The following FGD6 variants were observed in gnomAD, a reference collection of about 807,000 sequenced individuals.
The protein encoded by FGD6 is FYVE, RhoGEF and PH domain-containing protein 6.
FGD6 carries 90 observed loss-of-function variants against 149.4 expected under a neutral mutation model. The observed-to-expected ratio is 0.60, with a 90% CI of 0.51 to 0.72. FGD6 has a LOEUF of 0.72. Among genes scored for constraint, FGD6 ranks in the 30% least tolerant of loss-of-function variants. FGD6 has a pLI of 0.00. For missense variants in FGD6, 1,437 were observed against 1,684.8 expected (o/e 0.85, Z 2.57); for synonymous variants, 527 against 584.0 (o/e 0.90, Z 1.41).
intron 1 of FGD6, among the ~76,000 whole-genome samples, chr12:95,215,441 C>T (rs1450214870): frequency 6.6e-6 from 1 of 152,184 alleles, no homozygotes; most frequent in East Asian, 1.9e-4. Flanking sequence ...CTTGTAAGAA[C>T]TATGTATACA....
intron 1 of FGD6, 122 bp downstream of exon 1, chr12:95,217,103 G>C (rs1255961434): frequency 6.9e-7 from 1 of 1,453,886 alleles, no homozygotes; most frequent in Non-Finnish European, 9.4e-7. Context: ...GCTTGCCGAG[G>C]TGCTCGGCAA....
intron 6 of FGD6, among the ~76,000 whole-genome samples, chr12:95,140,708 C>A (rs1204745439): frequency 6.6e-6 from 1 of 152,176 alleles, no homozygotes; most frequent in Non-Finnish European, 1.5e-5. Flanking sequence ...AGTTTCATGA[C>A]CTGCAGCTCC....
rs1877519472 is a variant in FGD6 at position 95,077,139 on chromosome 12, T to C, written c.*4381A>G. ...TTAGAAAATGACATTAAAAGTGGCA[T>C]GAGCCCTAGAATGATATGTGTATTA... is the stretch of plus-strand genomic sequence containing the variant. On this transcript the variant is annotated 3_prime_UTR_variant, in exon 21 of 21. Coordinates refer to ENST00000343958, the MANE Select transcript of FGD6 (RefSeq NM_018351.4). 2 of 152,222 alleles carry C rather than the reference T, an allele frequency of 1.3e-5. No homozygotes were observed. The highest frequency in any genetic ancestry group is 4.8e-5 in the African/African-American group (2 of 41,450). The allele number at this position is 152,222 out of a possible 1,614,324, so 9.4% of individuals were successfully genotyped here. A position where few individuals can be genotyped will look rare whatever the true frequency, so the allele number is the denominator to read the frequency against.
intron 3 of FGD6, among the ~76,000 whole-genome samples, chr12:95,159,126 A>G (rs1880565081): frequency 6.6e-6 from 1 of 152,122 alleles, no homozygotes; most frequent in Non-Finnish European, 1.5e-5. Flanking sequence ...GTAGCTGTTA[A>G]TTTATTTTTG....
intron 9 of FGD6, among the ~76,000 whole-genome samples, chr12:95,111,187 C>A (rs546398497): frequency 4.6e-5 from 7 of 152,194 alleles, no homozygotes; most frequent in Admixed American, 4.6e-4. Context: ...TGCCATGTTG[C>A]CCAGGCTGGT....
At chr12:95,118,275 G>T (rs1879080620) in intron 8 of FGD6, among the ~76,000 whole-genome samples, 1 of 151,716 alleles carries the variant, frequency 6.6e-6, no homozygotes, top group Non-Finnish European at 1.5e-5. Flanking sequence ...TGCTAACTCA[G>T]GAGGTGGAGT....
chr12:95,165,213 T>G (rs1880769809), intron 3 of FGD6, among the ~76,000 whole-genome samples: 1 of 152,182 alleles, frequency 6.6e-6, no homozygotes, highest in African/African-American at 2.4e-5. Context: ...AGAGACAGAT[T>G]GGGTTAAAAA....
chr12:95,193,685 C>G (rs1881657455), intron 2 of FGD6, among the ~76,000 whole-genome samples: 1 of 152,026 alleles, frequency 6.6e-6, no homozygotes, highest in Non-Finnish European at 1.5e-5. Flanking sequence ...TGCACCACCA[C>G]ACCCAGCTAA....
chr12:95,121,226 G>T (rs1015517810), intron 8 of FGD6, among the ~76,000 whole-genome samples: 1 of 151,710 alleles, frequency 6.6e-6, no homozygotes, highest in African/African-American at 2.4e-5. Flanking sequence ...GATCACTTGA[G>T]GTCAGTTGTT....
intron 2 of FGD6, among the ~76,000 whole-genome samples, chr12:95,176,345 C>G (rs987537277): frequency 5.9e-5 from 9 of 152,226 alleles, no homozygotes; most frequent in African/African-American, 2.2e-4. Flanking sequence ...CATCCTAAGA[C>G]TGTCTGCTTT....
In FGD6 at chr12:95,217,250, G is replaced by A. The variant is rs768000854; in HGVS notation, c.-10C>T. The A allele has an allele frequency of 1.3e-4, 203 of 1,609,072 alleles. No homozygotes were observed. Among genetic ancestry groups the A allele is most frequent in the Non-Finnish European group, 1.7e-4 (198 of 1,176,790 alleles). On this transcript the variant is annotated 5_prime_UTR_variant, in exon 1 of 21. Coordinates refer to ENST00000343958, the MANE Select transcript of FGD6 (RefSeq NM_018351.4). ...CGGCTGCAGAAGTCATGATTCCCCG[G>A]TGCAGCTCGCTTCCCCGCTCGGCCC...
At chr12:95,107,489 C>A (rs776706238) in intron 12 of FGD6, 74 bp downstream of exon 12, 10 of 1,435,362 alleles carry the variant, frequency 7.0e-6, no homozygotes, top group East Asian at 2.3e-5. Flanking sequence ...GCTTATCTAC[C>A]ATGTATAAAC....
Position 95,209,248 on chromosome 12 carries a change from A to T in FGD6, c.2036T>A (p.Val679Glu). The T allele has an allele frequency of 1.2e-6, 2 of 1,613,820 alleles. No homozygotes were observed. Among genetic ancestry groups the T allele is most frequent in the Non-Finnish European group, 1.7e-6 (2 of 1,179,954 alleles). Residue 679 changes from valine (V) to glutamate (E), a missense_variant, in exon 2 of 21, where the codon GTA becomes GAA. This residue lies in a region of FGD6 where 1,055 missense variants were observed against 1,146.0 expected (regional missense o/e 0.92). Transcript: ENST00000343958. ...GGGTTTACTTCTCTTCTCCTCTCCT[A>T]CCAACAAGCCTTGCCAATCACTTTC... ...GIESDWQGLL[V>E]GEEKRSKPIK...
At chr12:95,122,202 AT>A (rs1381701683) in intron 8 of FGD6, among the ~76,000 whole-genome samples, 3 of 152,214 alleles carry the variant, frequency 2.0e-5, no homozygotes, top group Non-Finnish European at 2.9e-5. Context: ...GTTAAGTTTA[AT>A]GAGAATATGT....
At position 95,209,096 on chromosome 12, in the gene FGD6, C is replaced by G. The variant is rs138805264; in HGVS notation, c.2188G>C (p.Glu730Gln). 1.4e-4 allele frequency: 220 copies of G among 1,614,140 alleles called. No homozygotes were observed. The African/African-American group carries it at 2.5e-3, about 19-fold the overall frequency. ...TTGTAAGGTGCCTGAGATGATGACT[C>G]CCGGGAGAGCATTTGGTCATCCAAA... Reference protein sequence around the residue: ...ESLDDQMLSRESSSQAPYKSV... With the variant: ...ESLDDQMLSRQSSSQAPYKSV... The change falls in exon 2 of 21, where the codon GAG becomes CAG. Residue 730 changes from glutamate (E) to glutamine (Q), a missense_variant. Physicochemically the swap from Glu to Gln is conservative, Grantham distance 29 (BLOSUM62 2). Coordinates refer to ENST00000343958, the MANE Select transcript of FGD6 (RefSeq NM_018351.4).
At chr12:95,187,030 C>A (rs1244243389) in intron 2 of FGD6, among the ~76,000 whole-genome samples, 1 of 152,108 alleles carries the variant, frequency 6.6e-6, no homozygotes, top group Non-Finnish European at 1.5e-5. Flanking sequence ...AAGTCTAGAA[C>A]TGTATAAAAA....
At chr12:95,144,151 C>G (rs745662229) in intron 5 of FGD6, among the ~76,000 whole-genome samples, 13 of 152,196 alleles carry the variant, frequency 8.5e-5, no homozygotes, top group Non-Finnish European at 1.6e-4. Flanking sequence ...ACAAACTGAA[C>G]TGACCAGTGA....
rs1881428152 is a variant in FGD6, at chr12:95,186,225, C to CTT, written c.2442-13483_2442-13482dup. Among the ~76,000 whole-genome samples, 5 of 71,186 alleles carry CTT rather than the reference C, an allele frequency of 7.0e-5. 1 individual carries two copies. The highest frequency in any genetic ancestry group is 9.6e-4 in the East Asian group (2 of 2,076). 46.7% of individuals were successfully genotyped at this position (71,186 alleles called of 152,430 possible). On this transcript the variant is annotated intron_variant, in intron 2 of 20. Coordinates refer to ENST00000343958, the MANE Select transcript of FGD6 (RefSeq NM_018351.4). The stretch of plus-strand genomic sequence containing the variant: ...AGCTAAGAATGCTTCTTATATTCTT[C>CTT]TTCTTTTTTTTTTTTTTTTTTTTTT...
At chr12:95,216,969 C>T (rs1397564826) in intron 1 of FGD6, among the ~76,000 whole-genome samples, 2 of 152,254 alleles carry the variant, frequency 1.3e-5, no homozygotes, top group African/African-American at 2.4e-5. Context: ...TCGCATTTCA[C>T]CTGGTGCAGA....
Sources: gnomAD v4.1 joint callset for allele counts (sites outside exome capture counted in the v4.1 genomes callset) on GRCh38, gnomAD v4.1.1 for gene constraint, gnomAD v4.1.1 regional missense constraint, MANE v1.5 for transcripts, NCBI Gene and HGNC (gene_info 2026-07-23, HGNC 2026-07-21) for gene names.